AHDC1: variants seen among roughly 807,000 people sequenced by gnomAD.
AHDC1 encodes the protein AT-hook DNA binding motif containing 1, also known as transcription factor Gibbin.
A neutral mutation model predicts 87.9 loss-of-function variants in AHDC1; 7 were observed. The observed-to-expected ratio is 0.08, with a 90% confidence interval of 0.05 to 0.15. The LOEUF is 0.15. Among genes scored for constraint, AHDC1 ranks in the 10% least tolerant of loss-of-function variants. AHDC1 has a pLI of 1.00. For synonymous variants in AHDC1, 1,051 were observed against 1,006.8 expected, an observed-to-expected ratio of 1.04 and a Z score of -0.83; for missense variants, 1,841 against 2,253.2, an observed-to-expected ratio of 0.82 and a Z score of 3.70.
chr1:27,566,671 G>A (rs1337577806), intron 3 of AHDC1, among the ~76,000 whole-genome samples: 113 of 141,616 alleles, frequency 8.0e-4, no homozygotes, highest in African/African-American at 2.7e-3. Flanking sequence ...AGGTGAGGAG[G>A]GAGGGGGGTG....
Position 27,549,847 on chromosome 1 carries a change from T to C in AHDC1, c.2269A>G (p.Ser757Gly), listed in dbSNP as rs774428858. ...CCTGCCTCCCCAAAGCCTGGGCCACTGGGCACCTGCTCTGGGAACAGAGTC... is the reference window on the plus strand; with the variant it reads ...CCTGCCTCCCCAAAGCCTGGGCCACCGGGCACCTGCTCTGGGAACAGAGTC... ...NGTLFPEQVP[S>G]GPGFGEAGAE... The change falls in exon 8 of 9, where the codon AGT (serine) becomes GGT (glycine). Residue 757 changes from serine to glycine, a missense_variant. Physicochemically the swap from Ser to Gly is moderately conservative, Grantham distance 56. Around this residue, in one of 13 missense-constraint regions of AHDC1, gnomAD observed 236 missense variants for 257.9 expected, o/e 0.92. Coordinates refer to ENST00000673934, the MANE Select transcript of AHDC1 (RefSeq NM_001371928.1). 1.2e-6 allele frequency: 2 copies of C among 1,613,314 alleles called. No individual in the cohort carries two copies. The highest frequency in any genetic ancestry group is 4.5e-5 in the East Asian group (2 of 44,866).
rs370031268 is a variant in AHDC1, at chr1:27,547,548, C to T, written c.4568G>A (p.Arg1523Gln). 99 of 1,610,984 alleles carry T rather than the reference C, an allele frequency of 6.1e-5. No homozygotes were observed. The highest frequency in any genetic ancestry group is 8.4e-5 in the Admixed American group (5 of 59,790). Residue 1523 changes from arginine (R) to glutamine (Q), a missense_variant, in exon 8 of 9, where the codon CGG becomes CAG. Physicochemically the swap from Arg to Gln is conservative, Grantham distance 43. Transcript: ENST00000673934. This position sits in a 1 kb window ranked among gnomAD's most constrained non-coding sequence, Gnocchi z 4.9. ...AGGGCCACGGGGTGGGCCAGGGGGC[C>T]GGGCCATTTCCAGTGGCTCCTTGTC... is the stretch of plus-strand genomic sequence containing the variant. ...KADKEPLEMA[R>Q]PPGPPRGPAA... is the part of the protein sequence containing the mutation.
At chr1:27,537,356 A>C (rs1295946955) in intron 8 of AHDC1, among the ~76,000 whole-genome samples, 2 of 152,176 alleles carry the variant, frequency 1.3e-5, no homozygotes, top group African/African-American at 2.4e-5. Context: ...AACCAGGGTA[A>C]TTACCACGCA....
At chr1:27,572,736 G>C (rs907842807) in intron 3 of AHDC1, among the ~76,000 whole-genome samples, 1 of 152,224 alleles carries the variant, frequency 6.6e-6, no homozygotes, top group African/African-American at 2.4e-5. Context: ...TGAGGAGCCT[G>C]TCCTGACCCA....
In AHDC1 at chr1:27,563,846, T is replaced by C. The variant is rs1350924644; in HGVS notation, c.-628-4963A>G. 2.6e-5 allele frequency among the ~76,000 whole-genome samples: 4 copies of C among 151,770 alleles called. No homozygotes were observed. The highest frequency in any genetic ancestry group is 9.7e-5 in the African/African-American group (4 of 41,260). On this transcript the variant is annotated intron_variant, in intron 3 of 8. Coordinates refer to ENST00000673934, the MANE Select transcript of AHDC1 (RefSeq NM_001371928.1). The surrounding 1 kb of genome is among the most constrained non-coding windows in gnomAD (Gnocchi z 6.1). ...ACACTGACTACCTGGAAATGCCACC[T>C]CCCCCAGCCCTCACTCCACTCCATT...
chr1:27,598,337 G>A lies in AHDC1; in HGVS notation c.-629+5060C>T, dbSNP rs1052489502. On this transcript the variant is annotated intron_variant, in intron 3 of 8. Transcript: ENST00000673934. This position sits in a 1 kb window ranked among gnomAD's most constrained non-coding sequence, Gnocchi z 4.2. ...TGGAAGGGGGCTGGAGGGAGGCAGG[G>A]CCTCACTTTACTCTCACTTCACCAT... Among the ~76,000 whole-genome samples the A allele has an allele frequency of 3.3e-5, 5 of 152,204 alleles. No homozygotes were observed. The South Asian group carries it at 8.3e-4, about 25-fold the overall frequency.
chr1:27,551,904 G>A lies in AHDC1; in HGVS notation c.212C>T (p.Thr71Ile), dbSNP rs199719452. The change falls in exon 8 of 9, where the codon ACC (threonine) becomes ATC (isoleucine). Residue 71 changes from threonine to isoleucine, a missense_variant. Thr to Ile is a moderately conservative substitution (Grantham distance 89, BLOSUM62 -1). Transcript: ENST00000673934. ...PRPPPRRDPSTRRPPVLAKGD... is the reference protein window; with the variant it reads ...PRPPPRRDPSIRRPPVLAKGD... ...CTTGGCAAGGACTGGTGGGCGCCGG[G>A]TGCTGGGGTCCCGGCGTGGGGGTGG... 9,344 of 1,593,968 alleles carry A rather than the reference G, an allele frequency of 5.9e-3. 34 individuals are homozygous for A. The highest frequency in any genetic ancestry group is 7.3e-3 in the Non-Finnish European group (8,546 of 1,168,690).
chr1:27,551,508 T>C lies in AHDC1; in HGVS notation c.608A>G (p.Glu203Gly). ...GCCAGGCTGGGGACTGTCCCTAGGCTCAGGCTCAGGCTCGTAGAGGGGATG... is the reference window on the plus strand; with the variant it reads ...GCCAGGCTGGGGACTGTCCCTAGGCCCAGGCTCAGGCTCGTAGAGGGGATG... Reference protein sequence around the residue: ...PSHPLYEPEPEPRDSPQPGQG... With the variant: ...PSHPLYEPEPGPRDSPQPGQG... Residue 203 changes from glutamate to glycine, a missense_variant, in exon 8 of 9, where the codon GAG (glutamate) becomes GGG (glycine). Transcript: ENST00000673934. 2 of 1,603,674 alleles carry C rather than the reference T, an allele frequency of 1.2e-6. No homozygotes were observed. Among genetic ancestry groups the C allele is most frequent in the Non-Finnish European group, 1.7e-6 (2 of 1,174,634 alleles).
chr1:27,575,014 C>A (rs547871450), intron 3 of AHDC1, among the ~76,000 whole-genome samples: 1 of 152,348 alleles, frequency 6.6e-6, no homozygotes, highest in South Asian at 2.1e-4. Context: ...GCCCCCACAT[C>A]GGCTCCGCAG....
chr1:27,548,666 C>G lies in AHDC1; in HGVS notation c.3450G>C (p.Pro1150=). Residue 1150 remains proline (P), a synonymous_variant, in exon 8 of 9, where the codon CCG becomes CCC. Transcript: ENST00000673934. ...CAGCCGTCTGCTGCTTCACCTTCTG[C>G]GGTGTGTAGTTGGAGATGTCCAGGA... ...NVILDISNYT[P]QKVKQQTAVS... is the part of the protein sequence containing the mutation. The G allele has an allele frequency of 6.2e-7, 1 of 1,613,408 alleles. No homozygotes were observed. The highest frequency in any genetic ancestry group is 8.5e-7 in the Non-Finnish European group (1 of 1,180,028).
intron 3 of AHDC1, among the ~76,000 whole-genome samples, chr1:27,575,765 G>A (rs1462641247): frequency 6.6e-6 from 1 of 151,792 alleles, no homozygotes; most frequent in Non-Finnish European, 1.5e-5. Flanking sequence ...CCCCGGGCCC[G>A]GCGGAATGCG....
At chr1:27,592,575 C>G (rs1265977171) in intron 3 of AHDC1, among the ~76,000 whole-genome samples, 1 of 149,760 alleles carries the variant, frequency 6.7e-6, no homozygotes, top group African/African-American at 2.5e-5. Flanking sequence ...CCCCCGCCCT[C>G]CCCCCCCCAG....
Position 27,550,818 on chromosome 1 carries a change from G to A in AHDC1, c.1298C>T (p.Pro433Leu), listed in dbSNP as rs774618124. 1.2e-5 allele frequency: 18 copies of A among 1,564,510 alleles called. No homozygotes were observed. Among genetic ancestry groups the A allele is most frequent in the African/African-American group, 1.1e-4 (8 of 73,848 alleles). The change falls in exon 8 of 9, where the codon CCG (proline) becomes CTG (leucine). Residue 433 changes from proline to leucine, a missense_variant. This residue lies in a region of AHDC1 where 370 missense variants were observed against 391.5 expected (regional missense o/e 0.95). Coordinates refer to ENST00000673934, the MANE Select transcript of AHDC1 (RefSeq NM_001371928.1). ...TGGCAGGGCAGGGGGTGGAGGAGGCGGTGGTGGTGGGGGTTCGGCCAGGGC... is the reference window on the plus strand; with the variant it reads ...TGGCAGGGCAGGGGGTGGAGGAGGCAGTGGTGGTGGGGGTTCGGCCAGGGC... ...VAALAEPPPP[P>L]PPPPPALPGP...
chr1:27,571,679 C>T (rs531207902), intron 3 of AHDC1, among the ~76,000 whole-genome samples: 5 of 152,218 alleles, frequency 3.3e-5, no homozygotes, highest in Admixed American at 1.3e-4. Flanking sequence ...AGCTCCTCCT[C>T]GGCCCCCTAC....
At position 27,549,998 on chromosome 1, in the gene AHDC1, G is replaced by T. The variant is rs375728461; in HGVS notation, c.2118C>A (p.Ala706=). The part of the protein sequence containing the change: ...EGIGKKKKVV[A]VAAAGVGGPG... ...GGCCCCCGACCCCAGCGGCTGCCAC[G>T]GCCACCACCTTCTTTTTCTTGCCGA... The change falls in exon 8 of 9, where the codon GCC becomes GCA. Residue 706 remains alanine (A), a synonymous_variant. Transcript: ENST00000673934. The T allele has an allele frequency of 2.5e-6, 4 of 1,599,682 alleles. No individual in the cohort carries two copies. In the Admixed American group the frequency reaches 6.8e-5, roughly 27 times the overall value.
intron 5 of AHDC1, among the ~76,000 whole-genome samples, chr1:27,555,089 C>T (rs1315166565): frequency 1.3e-5 from 2 of 152,194 alleles, no homozygotes; most frequent in East Asian, 1.9e-4. Context: ...CTCCTTCTAG[C>T]GCCGTGGTCT....
rs1163136140 is a variant in AHDC1 at position 27,548,395 on chromosome 1, G to A, written c.3721C>T (p.Leu1241=). The change falls in exon 8 of 9, where the codon CTG becomes TTG. Residue 1241 remains leucine, a synonymous_variant. Coordinates refer to ENST00000673934, the MANE Select transcript of AHDC1 (RefSeq NM_001371928.1). ...AAGCCCAGATGTGAGGCCTCGAACA[G>A]GTCCACCTTCTTCCGCCGTCCACGG... ...PGRGRRKKVD[L]FEASHLGFPT... The A allele has an allele frequency of 6.2e-7, 1 of 1,609,386 alleles. No homozygotes were observed. Among genetic ancestry groups the A allele is most frequent in the African/African-American group, 1.3e-5 (1 of 74,984 alleles).
intron 8 of AHDC1, among the ~76,000 whole-genome samples, chr1:27,536,730 A>G (rs1202931623): frequency 6.6e-6 from 1 of 152,060 alleles, no homozygotes; most frequent in African/African-American, 2.4e-5. Flanking sequence ...GGGGGTGACA[A>G]GGGAAGGGGA....
rs2019519029 is a variant in AHDC1 at position 27,550,979 on chromosome 1, G to A, written c.1137C>T (p.His379=). ...SPHGPPGPEG[H]PKYALRRTDR... ...CAGTGCGCCGCAAGGCGTACTTGGG[G>A]TGACCCTCAGGCCCGGGGGGGCCGT... The change falls in exon 8 of 9, where the codon CAC becomes CAT. Residue 379 remains histidine (H), a synonymous_variant. Transcript: ENST00000673934. 8 of 1,590,112 alleles carry A rather than the reference G, an allele frequency of 5.0e-6. No homozygotes were observed. The East Asian group carries it at 1.8e-4, about 36-fold the overall frequency.
Sources: allele counts gnomAD v4.1 joint callset (sites outside exome capture counted in the v4.1 genomes callset), GRCh38; gene constraint gnomAD v4.1.1; regional missense constraint gnomAD v4.1.1; non-coding constraint Gnocchi (gnomAD v3.1); transcripts MANE v1.5; gene names NCBI Gene and HGNC (gene_info 2026-07-23, HGNC 2026-07-21).